Variants in ZFHX3 observed in about 807,000 individuals in gnomAD.
ZFHX3 encodes zinc finger homeobox 3.
Under a neutral mutation model 279.1 loss-of-function variants are expected in ZFHX3, and 42 were observed. That is an observed-to-expected ratio of 0.15 (90% CI 0.12 to 0.19). ZFHX3 has a LOEUF of 0.19. Ranked by LOEUF, ZFHX3 falls within the 10% of genes least tolerant of loss-of-function variation. The pLI is 1.00. For missense variants in ZFHX3, 4,981 were observed against 4,754.0 expected, an observed-to-expected ratio of 1.05 and a Z score of -1.40; for synonymous variants, 2,293 against 1,957.8, an observed-to-expected ratio of 1.17 and a Z score of -4.52.
rs146208556 is a variant in ZFHX3, at chr16:73,814,149, C to T, written c.-1608+77502G>A. 1.2e-4 allele frequency among the ~76,000 whole-genome samples: 19 copies of T among 152,270 alleles called. No homozygotes were observed. The East Asian group carries it at 3.7e-3, about 29-fold the overall frequency. ...AATGCTGAATGGGATCTGTACCTTC[C>T]ATTTTTTTCATTAGCTTTTATATTT... On this transcript the variant is annotated intron_variant, in intron 1 of 17. Transcript: ENST00000641206.
chr16:73,296,819 T>C (rs944746300), intron 4 of ZFHX3, among the ~76,000 whole-genome samples: 1 of 151,824 alleles, frequency 6.6e-6, no homozygotes, highest in African/African-American at 2.4e-5. Flanking sequence ...CCATCTACTA[T>C]TCAAAGGGCT....
At chr16:73,394,489 G>T (rs1283190824) in intron 3 of ZFHX3, among the ~76,000 whole-genome samples, 1 of 151,950 alleles carries the variant, frequency 6.6e-6, no homozygotes. Context: ...TAGAGATGGG[G>T]TATCATCATG....
intron 3 of ZFHX3, among the ~76,000 whole-genome samples, chr16:73,405,592 GTTTTTTT>G (rs74851836): frequency 4.1e-5 from 6 of 146,600 alleles, no homozygotes; most frequent in Non-Finnish European, 7.6e-5. Flanking sequence ...TTTGTTTTTT[GTTTTTTT>G]TTTTTAAGAA....
chr16:73,601,229 G>T (rs536812402), intron 2 of ZFHX3, among the ~76,000 whole-genome samples: 2 of 148,504 alleles, frequency 1.3e-5, no homozygotes, highest in South Asian at 4.2e-4. Flanking sequence ...GAAGCGGGTG[G>T]ATCACAAGGC....
intron 5 of ZFHX3, among the ~76,000 whole-genome samples, chr16:73,219,528 G>A (rs909724582): frequency 6.6e-6 from 1 of 152,210 alleles, no homozygotes; most frequent in Non-Finnish European, 1.5e-5. Flanking sequence ...TAATACTGAG[G>A]CATGCCCAGT....
At chr16:73,048,813 T>C (rs1444492186), upstream of ZFHX3, among the ~76,000 whole-genome samples, 1 of 152,202 alleles carries the variant, frequency 6.6e-6, no homozygotes, top group Non-Finnish European at 1.5e-5. Context: ...TGCTCTCCGT[T>C]GAGAGTTTAA....
chr16:73,448,773 G>T (rs150580617), intron 3 of ZFHX3, among the ~76,000 whole-genome samples: 165 of 147,648 alleles, frequency 1.1e-3, no homozygotes, highest in African/African-American at 3.7e-3. Flanking sequence ...AATTTTTTCT[G>T]TCTATTGCAT....
intron 1 of ZFHX3, among the ~76,000 whole-genome samples, chr16:73,851,766 T>A (rs748636117): frequency 6.6e-6 from 1 of 152,188 alleles, no homozygotes; most frequent in African/African-American, 2.4e-5. Flanking sequence ...AAGTTTGACA[T>A]CGTAGGGCCT....
intron 7 of ZFHX3, among the ~76,000 whole-genome samples, chr16:73,103,068 G>A (rs1329106654): frequency 6.6e-6 from 1 of 152,090 alleles, no homozygotes. Context: ...GGGATTACAG[G>A]CACCTGCTAC....
At chr16:73,841,550 G>A (rs1961309273) in intron 1 of ZFHX3, among the ~76,000 whole-genome samples, 1 of 152,056 alleles carries the variant, frequency 6.6e-6, no homozygotes, top group East Asian at 1.9e-4. Flanking sequence ...TGACAGCAGG[G>A]CACCTAGCAA....
chr16:73,404,125 T>C (rs1460753626), intron 3 of ZFHX3, among the ~76,000 whole-genome samples: 2 of 152,148 alleles, frequency 1.3e-5, no homozygotes, highest in Non-Finnish European at 2.9e-5. Flanking sequence ...CCTGTCTGGG[T>C]TAGCCAAGGA....
chr16:73,447,805 A>C (rs1162936654), intron 3 of ZFHX3, among the ~76,000 whole-genome samples: 4 of 152,194 alleles, frequency 2.6e-5, no homozygotes, highest in African/African-American at 9.7e-5. Flanking sequence ...GCAAGAACAA[A>C]ATAAATAACA....
At position 72,797,899 on chromosome 16, in the gene ZFHX3, G is replaced by C; in HGVS notation, c.4783C>G (p.Pro1595Ala). Residue 1595 changes from proline to alanine, a missense_variant, in exon 9 of 10, where the codon CCT (proline) becomes GCT (alanine). Physicochemically the swap from Pro to Ala is conservative, Grantham distance 27. Coordinates refer to ENST00000268489, the MANE Select transcript of ZFHX3 (RefSeq NM_006885.4). ...PEPTSSPDNK[P>A]FKCNTCNVAY... Reference sequence around the variant, plus strand: ...ACATTACAAGTGTTACACTTAAAAGGTTTGTTGTCTGGGCTGCTGGTGGGT... The same window carrying C: ...ACATTACAAGTGTTACACTTAAAAGCTTTGTTGTCTGGGCTGCTGGTGGGT... 6.2e-7 allele frequency: 1 copy of C among 1,614,184 alleles called. No individual in the cohort carries two copies.
intron 4 of ZFHX3, among the ~76,000 whole-genome samples, chr16:72,881,203 T>A (rs573486888): frequency 1.8e-4 from 28 of 152,344 alleles, no homozygotes; most frequent in Non-Finnish European, 4.1e-4. Flanking sequence ...CATGGCACTA[T>A]TAAGCACTTG....
chr16:73,076,412 T>C (rs1338219867), intron 8 of ZFHX3, among the ~76,000 whole-genome samples: 6 of 152,206 alleles, frequency 3.9e-5, no homozygotes, highest in Non-Finnish European at 8.8e-5. Flanking sequence ...AGATACCTGA[T>C]ATACCTCGTT....
At position 73,395,344 on chromosome 16, in the gene ZFHX3, G is replaced by A. The variant is rs540507197; in HGVS notation, c.-1291+60659C>T. The stretch of plus-strand genomic sequence containing the variant: ...CCAGGTGTGGAGGCGCTTGCCTGTA[G>A]TCCCAGCTACTCAGGAGGCTGAGGT... On this transcript the variant is annotated intron_variant, in intron 3 of 17. Transcript: ENST00000641206. Among the ~76,000 whole-genome samples, 11 of 152,100 alleles carry A rather than the reference G, an allele frequency of 7.2e-5. No homozygotes were observed. In the East Asian group the frequency reaches 1.9e-3, roughly 27 times the overall value.
chr16:73,599,015 C>T (rs920093760), intron 2 of ZFHX3, among the ~76,000 whole-genome samples: 2 of 152,216 alleles, frequency 1.3e-5, no homozygotes, highest in Non-Finnish European at 2.9e-5. Flanking sequence ...CCTGCCTCAG[C>T]CTCCCAAAGT....
Position 72,958,353 on chromosome 16 carries a change from T to A in ZFHX3, c.1793A>T (p.Asp598Val), listed in dbSNP as rs747464281. 8.7e-6 allele frequency: 14 copies of A among 1,614,124 alleles called. No homozygotes were observed. The South Asian group carries it at 1.5e-4, about 18-fold the overall frequency. The change falls in exon 2 of 10, where the codon GAC becomes GTC. Residue 598 changes from aspartate (D) to valine (V), a missense_variant. Physicochemically the swap from Asp to Val is radical, Grantham distance 152. Around this residue, in one of 7 missense-constraint regions of ZFHX3, gnomAD observed 1,068 missense variants for 935.2 expected, o/e 1.14. Transcript: ENST00000268489. ...LDFADESANKDNATAPEPNES... is the reference protein window; with the variant it reads ...LDFADESANKVNATAPEPNES... ...ATTTGGTTCTGGTGCTGTGGCATTG[T>A]CTTTATTGGCACTTTCGTCAGCGAA...
intron 2 of ZFHX3, among the ~76,000 whole-genome samples, chr16:73,530,697 C>T (rs1293911628): frequency 6.6e-6 from 1 of 152,152 alleles, no homozygotes; most frequent in Non-Finnish European, 1.5e-5. Flanking sequence ...CTCATTACAC[C>T]TTCTGAGGTG....
Sources: gnomAD v4.1 joint callset for allele counts (sites outside exome capture counted in the v4.1 genomes callset) on GRCh38, gnomAD v4.1.1 for gene constraint, gnomAD v4.1.1 regional missense constraint, MANE v1.5 for transcripts, NCBI Gene and HGNC (gene_info 2026-07-23, HGNC 2026-07-21) for gene names.